WNT9B: variants seen among roughly 807,000 people sequenced by gnomAD.
WNT9B encodes protein Wnt-9b.
Under a neutral mutation model 30.2 loss-of-function variants are expected in WNT9B, and 12 were observed. That is an observed-to-expected ratio of 0.40 (90% CI 0.26 to 0.64). The LOEUF (loss-of-function observed/expected upper bound fraction) is 0.64. Among genes scored for constraint, WNT9B ranks in the 30% least tolerant of loss-of-function variants. The probability of loss-of-function intolerance (pLI) is 0.42; values close to 1 mark genes in which losing one functional copy is unlikely to be tolerated. For synonymous variants in WNT9B, 218 were observed against 216.9 expected (o/e 1.01, Z -0.05); for missense variants, 442 against 485.2 (o/e 0.91, Z 0.84).
chr17:46,841,683 C>T (rs976402791), intron 1 of WNT9B, among the ~76,000 whole-genome samples: 16 of 152,118 alleles, frequency 1.1e-4, no homozygotes, highest in South Asian at 2.1e-4. Context: ...GGAGCAGGAC[C>T]GGGAGGAACT....
rs192466435 is a variant in WNT9B, at chr17:46,854,028, C to G, written c.77+2313C>G. ...GGCTGAGAGGGATGAGTATCGGAGC[C>G]ACCTCTTCCAGGTCAGGAGCCCAGC... On this transcript the variant is annotated intron_variant, in intron 1 of 3. Coordinates refer to ENST00000290015, the MANE Select transcript of WNT9B (RefSeq NM_003396.3). 1.9e-3 allele frequency among the ~76,000 whole-genome samples: 291 copies of G among 152,246 alleles called. 2 individuals carry two copies. The highest frequency in any genetic ancestry group is 9.2e-3 in the Admixed American group (141 of 15,288).
Position 46,876,834 on chromosome 17 carries a change from G to A in WNT9B, c.*116G>A. On this transcript the variant is annotated 3_prime_UTR_variant, in exon 4 of 4. Coordinates refer to ENST00000290015, the MANE Select transcript of WNT9B (RefSeq NM_003396.3). ...CACATGCATGCATAAACCGGCATGT[G>A]TGCCAATGCACACGAGTGTGCCACT... is the stretch of plus-strand genomic sequence containing the variant. The A allele has an allele frequency of 7.0e-7, 1 of 1,436,208 alleles. No homozygotes were observed. The highest frequency in any genetic ancestry group is 9.2e-7 in the Non-Finnish European group (1 of 1,090,744). The allele number at this position is 1,436,208 out of a possible 1,614,324, so 89.0% of individuals were successfully genotyped here. A position where few individuals can be genotyped will look rare whatever the true frequency, so the allele number is the denominator to read the frequency against.
chr17:46,885,257 C>T (rs565092245), downstream of WNT9B: 51 of 295,360 alleles, frequency 1.7e-4, no homozygotes, highest in Admixed American at 9.5e-4. Context: ...CCACCCGCCT[C>T]GGCCTCCCAA....
At chr17:46,873,831 A>G (rs1440884514) in intron 2 of WNT9B, among the ~76,000 whole-genome samples, 1 of 152,020 alleles carries the variant, frequency 6.6e-6, no homozygotes, top group African/African-American at 2.4e-5. Flanking sequence ...CTCTACTAAA[A>G]ATACAAAAAT....
At chr17:46,851,232 T>C (rs536687984), upstream of WNT9B, among the ~76,000 whole-genome samples, 16 of 152,060 alleles carry the variant, frequency 1.1e-4, no homozygotes, top group Non-Finnish European at 1.9e-4. This position sits in a 1 kb window ranked among gnomAD's most constrained non-coding sequence, Gnocchi z 4.3. Context: ...GAGAAGCCAT[T>C]GCGCTTGCCT....
chr17:46,867,425 A>G (rs2085157699), intron 1 of WNT9B, among the ~76,000 whole-genome samples: 1 of 152,202 alleles, frequency 6.6e-6, no homozygotes, highest in African/African-American at 2.4e-5. Flanking sequence ...TGATGGAATG[A>G]GCTCAGTTGG....
chr17:46,875,342 C>A lies in WNT9B; in HGVS notation c.576C>A (p.Ala192=). Residue 192 remains alanine, a synonymous_variant, in exon 3 of 4, where the codon GCC becomes GCA. Transcript: ENST00000290015. Reference sequence around the variant, plus strand: ...AGGACCTGCGGGCACGGGCAGACGCCCACAATACCCACGTGGGCATCAAGG... The same window carrying A: ...AGGACCTGCGGGCACGGGCAGACGCACACAATACCCACGTGGGCATCAAGG... The part of the protein sequence containing the change: ...GNKDLRARAD[A]HNTHVGIKAV... The A allele has an allele frequency of 6.2e-7, 1 of 1,609,162 alleles. No individual in the cohort carries two copies. Among genetic ancestry groups the A allele is most frequent in the Non-Finnish European group, 8.5e-7 (1 of 1,176,630 alleles).
chr17:46,875,364 A>C lies in WNT9B; in HGVS notation c.598A>C (p.Lys200Gln). 6.3e-7 allele frequency: 1 copy of C among 1,598,734 alleles called. No homozygotes were observed. The highest frequency in any genetic ancestry group is 8.5e-7 in the Non-Finnish European group (1 of 1,169,906). Reference protein sequence around the residue: ...ADAHNTHVGIKAVKSGLRTTC... With the variant: ...ADAHNTHVGIQAVKSGLRTTC... ...CGCCCACAATACCCACGTGGGCATC[A>C]AGGTGAGCATGTCCCTGGCTGCCCG... The change falls in exon 3 of 4, where the codon AAG becomes CAG. Residue 200 changes from lysine to glutamine, a missense_variant and splice_region_variant. Physicochemically the swap from Lys to Gln is moderately conservative, Grantham distance 53 (BLOSUM62 1). Transcript: ENST00000290015.
chr17:46,883,499 G>T (rs935406959), downstream of WNT9B, among the ~76,000 whole-genome samples: 2 of 151,650 alleles, frequency 1.3e-5, no homozygotes, highest in Non-Finnish European at 1.5e-5. Context: ...TGGCCAGGCT[G>T]GTCTTGAACT....
upstream of WNT9B, among the ~76,000 whole-genome samples, chr17:46,849,884 A>G (rs916633593): frequency 7.1e-5 from 10 of 140,048 alleles, no homozygotes; most frequent in East Asian, 6.8e-4. Flanking sequence ...GTCCCATTCT[A>G]TTGCCCAGGC....
At chr17:46,849,413 G>A (rs2084813283), upstream of WNT9B, among the ~76,000 whole-genome samples, 1 of 152,240 alleles carries the variant, frequency 6.6e-6, no homozygotes, top group Admixed American at 6.5e-5. Flanking sequence ...CAGCTGGGCA[G>A]CCTGAGCTGA....
At chr17:46,881,507 G>T (rs770938453), downstream of WNT9B, among the ~76,000 whole-genome samples, 1 of 152,132 alleles carries the variant, frequency 6.6e-6, no homozygotes, top group Non-Finnish European at 1.5e-5. Context: ...CTTACCAAAG[G>T]CTATATCGCT....
At chr17:46,853,657 C>T (rs1024796377) in intron 1 of WNT9B, among the ~76,000 whole-genome samples, 5 of 152,260 alleles carry the variant, frequency 3.3e-5, no homozygotes, top group African/African-American at 1.2e-4. Context: ...CATGAGCCAC[C>T]AGGCCTGGCT....
chr17:46,884,955 C>T (rs529246431), downstream of WNT9B: 4 of 397,108 alleles, frequency 1.0e-5, no homozygotes, highest in African/African-American at 6.4e-5. Flanking sequence ...CTCCTGCAAC[C>T]CATCAAATAG....
At chr17:46,871,734 G>C (rs11079740) in intron 1 of WNT9B, among the ~76,000 whole-genome samples, 20,352 of 152,136 alleles carry the variant, frequency 0.13, 1,456 homozygotes, top group East Asian at 0.3. Context: ...CTCCAGAATC[G>C]ATGAACTTTC....
upstream of WNT9B, among the ~76,000 whole-genome samples, chr17:46,849,081 G>C (rs2084809072): frequency 6.6e-6 from 1 of 152,198 alleles, no homozygotes; most frequent in Admixed American, 6.5e-5. Context: ...TGGGCAAGCT[G>C]GAAGGCACCC....
intron 1 of WNT9B, among the ~76,000 whole-genome samples, chr17:46,858,328 T>C (rs1226222786): frequency 6.6e-6 from 1 of 152,222 alleles, no homozygotes; most frequent in Non-Finnish European, 1.5e-5. Flanking sequence ...TGATGTCTTA[T>C]GAAGAACAGA....
intron 1 of WNT9B, among the ~76,000 whole-genome samples, chr17:46,840,133 C>T (rs1020737991): frequency 2.0e-5 from 3 of 151,238 alleles, no homozygotes; most frequent in Admixed American, 1.3e-4. Context: ...GTCTCTCAGG[C>T]TGGAGTGCAG....
At chr17:46,860,428 T>C (rs867597216) in intron 1 of WNT9B, among the ~76,000 whole-genome samples, 1 of 152,126 alleles carries the variant, frequency 6.6e-6, no homozygotes, top group South Asian at 2.1e-4. Flanking sequence ...GGCCCTGTTA[T>C]AGTGTAAGGG....
Sources: gnomAD v4.1 joint callset for allele counts (sites outside exome capture counted in the v4.1 genomes callset) on GRCh38, gnomAD v4.1.1 for gene constraint, Gnocchi (gnomAD v3.1) non-coding constraint, MANE v1.5 for transcripts, NCBI Gene and HGNC (gene_info 2026-07-23, HGNC 2026-07-21) for gene names.